Variants in RAD51B observed in about 807,000 individuals in gnomAD.
The protein encoded by RAD51B is DNA repair protein RAD51 homolog 2.
Under a neutral mutation model 42.2 loss-of-function variants are expected in RAD51B, and 38 were observed. The ratio of observed to expected loss-of-function variants is 0.90; its 90% CI spans 0.70 to 1.18. The LOEUF is 1.18. Ranked by LOEUF, RAD51B falls within the 50% of genes most tolerant of loss-of-function variation. RAD51B has a pLI of 0.00. For missense variants in RAD51B, 373 were observed against 400.7 expected (o/e 0.93, Z 0.59); for synonymous variants, 154 against 145.2 (o/e 1.06, Z -0.43).
chr14:67,880,652 AT>A (rs2042876350), intron 5 of RAD51B, among the ~76,000 whole-genome samples: 1 of 152,072 alleles, frequency 6.6e-6, no homozygotes, highest in Admixed American at 6.5e-5. Context: ...CATATATATA[AT>A]TTTTTAAATC....
At chr14:67,938,532 A>G (rs956222856) in intron 7 of RAD51B, among the ~76,000 whole-genome samples, 1 of 152,192 alleles carries the variant, frequency 6.6e-6, no homozygotes, top group Non-Finnish European at 1.5e-5. Context: ...CCTTTAGAAC[A>G]TAGCCCCCAA....
chr14:68,599,062 G>A (rs4902607), downstream of RAD51B, among the ~76,000 whole-genome samples: 472 of 152,254 alleles, frequency 3.1e-3, 1 homozygote, highest in African/African-American at 9.9e-3. Flanking sequence ...CATCTCCTGC[G>A]CCGTATCTGA....
chr14:67,871,976 A>G (rs1027591297), intron 5 of RAD51B, among the ~76,000 whole-genome samples: 3 of 146,156 alleles, frequency 2.1e-5, no homozygotes, highest in African/African-American at 7.7e-5. Context: ...CCCACAGCCA[A>G]TATCATACTG....
At chr14:68,155,777 G>A (rs2078491384) in intron 7 of RAD51B, among the ~76,000 whole-genome samples, 1 of 152,208 alleles carries the variant, frequency 6.6e-6, no homozygotes, top group African/African-American at 2.4e-5. Context: ...TAGCTAGAAT[G>A]CAAATGTGAA....
At chr14:68,158,963 A>C (rs940824345) in intron 7 of RAD51B, among the ~76,000 whole-genome samples, 1 of 152,220 alleles carries the variant, frequency 6.6e-6, no homozygotes, top group African/African-American at 2.4e-5. Context: ...AGCAGACACC[A>C]AAGTAAGTGT....
chr14:68,360,124 T>C (rs2082993412), intron 8 of RAD51B, among the ~76,000 whole-genome samples: 1 of 152,182 alleles, frequency 6.6e-6, no homozygotes, highest in Admixed American at 6.5e-5. Context: ...GGGGAGACCA[T>C]GTTCTCCATT....
chr14:68,515,987 AT>A, intron 10 of RAD51B, among the ~76,000 whole-genome samples: 1 of 151,798 alleles, frequency 6.6e-6, no homozygotes, highest in East Asian at 2.0e-4. Flanking sequence ...GGGTTTCACC[AT>A]GTTAGCCAGG....
At chr14:67,966,145 C>T (rs1001529372) in intron 7 of RAD51B, among the ~76,000 whole-genome samples, 2 of 152,158 alleles carry the variant, frequency 1.3e-5, no homozygotes, top group Admixed American at 6.6e-5. Context: ...AACTCATTAC[C>T]CTTATCTACC....
chr14:68,442,325 T>G (rs1191304645), intron 9 of RAD51B, among the ~76,000 whole-genome samples: 2 of 152,070 alleles, frequency 1.3e-5, no homozygotes, highest in African/African-American at 4.8e-5. Flanking sequence ...AAGGAATCTT[T>G]GTGTTCTAAC....
chr14:68,156,196 G>C (rs945524053), intron 7 of RAD51B, among the ~76,000 whole-genome samples: 1 of 152,166 alleles, frequency 6.6e-6, no homozygotes, highest in Non-Finnish European at 1.5e-5. Flanking sequence ...CAGACAATTT[G>C]CTATGTCATC....
At chr14:68,417,439 T>C (rs1301640179) in intron 9 of RAD51B, among the ~76,000 whole-genome samples, 3 of 152,174 alleles carry the variant, frequency 2.0e-5, no homozygotes, top group Non-Finnish European at 4.4e-5. Context: ...CCAGAGCTGC[T>C]CAAGTGTGAA....
At chr14:68,403,471 C>T (rs913324064) in intron 8 of RAD51B, among the ~76,000 whole-genome samples, 1 of 152,198 alleles carries the variant, frequency 6.6e-6, no homozygotes, top group East Asian at 1.9e-4. Context: ...AAGGAGCTTT[C>T]TCATTAAGAG....
At chr14:68,391,728 A>G (rs1203090056) in intron 8 of RAD51B, among the ~76,000 whole-genome samples, 1 of 152,086 alleles carries the variant, frequency 6.6e-6, no homozygotes, top group Non-Finnish European at 1.5e-5. Context: ...AATGCTCTGT[A>G]TGAAAGAAAA....
At chr14:68,369,216 T>C (rs891024571) in intron 8 of RAD51B, among the ~76,000 whole-genome samples, 4 of 152,214 alleles carry the variant, frequency 2.6e-5, no homozygotes, top group Admixed American at 6.5e-5. Context: ...CATTTAAAAA[T>C]AAAAGTTACT....
chr14:68,533,494 T>C (rs1225002046), intron 10 of RAD51B, among the ~76,000 whole-genome samples: 1 of 152,190 alleles, frequency 6.6e-6, no homozygotes, highest in Admixed American at 6.5e-5. Context: ...GGTGTTTGCC[T>C]TTAAGAGAAA....
At chr14:68,571,513 CCAAT>C (rs1889699827) in intron 10 of RAD51B, among the ~76,000 whole-genome samples, 1 of 152,224 alleles carries the variant, frequency 6.6e-6, no homozygotes, top group Non-Finnish European at 1.5e-5. Context: ...AGCTCTCCGA[CCAAT>C]CATTCTTCCA....
At chr14:67,903,928 C>G (rs540829242) in intron 7 of RAD51B, among the ~76,000 whole-genome samples, 3 of 152,032 alleles carry the variant, frequency 2.0e-5, no homozygotes, top group African/African-American at 7.3e-5. Context: ...CAAGTAGGCC[C>G]CCGTATCTAT....
intron 10 of RAD51B, among the ~76,000 whole-genome samples, chr14:68,587,638 G>A (rs1007799965): frequency 1.3e-5 from 2 of 151,876 alleles, no homozygotes; most frequent in Non-Finnish European, 2.9e-5. Context: ...ATCCAGAACC[G>A]TATCAAGTCC....
At chr14:68,069,354 G>C (rs1276857164) in intron 7 of RAD51B, among the ~76,000 whole-genome samples, 1 of 152,028 alleles carries the variant, frequency 6.6e-6, no homozygotes, top group Non-Finnish European at 1.5e-5. Context: ...GTGTCACAGG[G>C]GTTTTGTGTA....
Sources: gnomAD v4.1 joint callset for allele counts (sites outside exome capture counted in the v4.1 genomes callset) on GRCh38, gnomAD v4.1.1 for gene constraint, MANE v1.5 for transcripts, NCBI Gene and HGNC (gene_info 2026-07-23, HGNC 2026-07-21) for gene names.